The following FOXP1 variants were observed in gnomAD, a reference collection of about 807,000 sequenced individuals.
The protein encoded by FOXP1 is forkhead box P1.
FOXP1 carries 15 observed loss-of-function variants against 98.2 expected under a neutral mutation model. The observed-to-expected ratio is 0.15, with a 90% CI of 0.10 to 0.24. The LOEUF (loss-of-function observed/expected upper bound fraction) is 0.24, where lower values mean the gene tolerates loss of function less well. Among genes scored for constraint, FOXP1 ranks in the 10% least tolerant of loss-of-function variants. FOXP1 has a pLI of 1.00. For synonymous variants in FOXP1, 371 were observed against 314.5 expected (o/e 1.18, Z -1.90); for missense variants, 633 against 848.5 (o/e 0.75, Z 3.15).
chr3:71,382,329 G>A (rs138399453), intron 3 of FOXP1, among the ~76,000 whole-genome samples: 1 of 152,240 alleles, frequency 6.6e-6, no homozygotes, highest in African/African-American at 2.4e-5. Context: ...ACCATTTAAG[G>A]CTGTGTCCCC....
chr3:71,028,357 C>A (rs550682228), intron 11 of FOXP1, among the ~76,000 whole-genome samples: 2 of 152,232 alleles, frequency 1.3e-5, no homozygotes, highest in East Asian at 1.9e-4. Context: ...TCTCAGAGTA[C>A]GGGTCTGGAA....
At chr3:70,998,631 G>T (rs1380041149) in intron 13 of FOXP1, among the ~76,000 whole-genome samples, 2 of 152,112 alleles carry the variant, frequency 1.3e-5, no homozygotes, top group East Asian at 1.9e-4. Flanking sequence ...GATCATCTTT[G>T]ATGTCTATCA....
intron 4 of FOXP1, among the ~76,000 whole-genome samples, chr3:71,352,470 C>CAAAAAAAAAA (rs34693899): frequency 1.5e-5 from 1 of 67,114 alleles, no homozygotes; most frequent in Admixed American, 2.1e-4. Context: ...GACTCCATCT[C>CAAAAAAAAAA]AAAAAAAAAA....
chr3:71,506,776 A>G (rs1443154620), intron 2 of FOXP1, among the ~76,000 whole-genome samples: 1 of 152,186 alleles, frequency 6.6e-6, no homozygotes, highest in East Asian at 1.9e-4. Context: ...ATATCCTAAG[A>G]CAAGAGCAGG....
rs375297509 is a variant in FOXP1 at position 71,062,327 on chromosome 3, CTATA to C, written c.283-8558_283-8555del. On this transcript the variant is annotated intron_variant, in intron 7 of 20. Coordinates refer to ENST00000649528, the MANE Select transcript of FOXP1 (RefSeq NM_001349338.3). ...ATGAAAATTCAGAGAAGACAATACA[CTATA>C]TATCCTCGTGCAGAATGTTTCCATT... Among the ~76,000 whole-genome samples the C allele has an allele frequency of 3.3e-4, 50 of 152,322 alleles. No individual in the cohort carries two copies. In the East Asian group the frequency reaches 9.1e-3, roughly 28 times the overall value.
rs2063434576 is a variant in FOXP1, at chr3:71,198,388, A to G, written c.-7T>C. 1.4e-6 allele frequency: 2 copies of G among 1,388,632 alleles called. No homozygotes were observed. The highest frequency in any genetic ancestry group is 1.4e-5 in the African/African-American group (1 of 69,412). The allele number at this position is 1,388,632 out of a possible 1,614,324, so 86.0% of individuals were successfully genotyped here. A position where few individuals can be genotyped will look rare whatever the true frequency, so the allele number is the denominator to read the frequency against. On this transcript the variant is annotated 5_prime_UTR_variant, in exon 6 of 21. Transcript: ENST00000649528. ...TCCCAGATTCTTGCATCATGACTCAAAAACCTGATACAAGGATTTCCAAGA... is the reference window on the plus strand; with the variant it reads ...TCCCAGATTCTTGCATCATGACTCAGAAACCTGATACAAGGATTTCCAAGA...
chr3:71,507,072 C>A (rs1438309221), intron 2 of FOXP1, among the ~76,000 whole-genome samples: 2 of 152,202 alleles, frequency 1.3e-5, no homozygotes, highest in Admixed American at 1.3e-4. Context: ...CTGCTCTCTC[C>A]TCTCTCAAAT....
At chr3:71,432,976 A>C (rs1250004173) in intron 3 of FOXP1, among the ~76,000 whole-genome samples, 1 of 151,740 alleles carries the variant, frequency 6.6e-6, no homozygotes, top group East Asian at 1.9e-4. Flanking sequence ...AATGATTCTA[A>C]TGGTTAGAAC....
intron 6 of FOXP1, among the ~76,000 whole-genome samples, chr3:71,156,832 AAAGG>A (rs2108104704): frequency 6.6e-6 from 1 of 152,358 alleles, no homozygotes; most frequent in East Asian, 1.9e-4. Context: ...CCAGGAGATA[AAAGG>A]AAGGAAGGTG....
intron 14 of FOXP1, among the ~76,000 whole-genome samples, chr3:70,983,954 T>C (rs983705662): frequency 6.6e-6 from 1 of 152,164 alleles, no homozygotes; most frequent in Non-Finnish European, 1.5e-5. Context: ...AAGCAAGACA[T>C]TTGGGTGTTT....
At chr3:70,987,464 T>C (rs572565793) in intron 14 of FOXP1, among the ~76,000 whole-genome samples, 43 of 152,350 alleles carry the variant, frequency 2.8e-4, no homozygotes, top group African/African-American at 7.7e-4. Flanking sequence ...TTCAAACTCC[T>C]TAGTAACCAT....
At chr3:70,987,754 G>C (rs1256231620) in intron 14 of FOXP1, among the ~76,000 whole-genome samples, 2 of 152,334 alleles carry the variant, frequency 1.3e-5, no homozygotes, top group Non-Finnish European at 1.5e-5. Context: ...TTAAAGAAGA[G>C]CTGGGTGCTT....
At chr3:71,287,403 C>G (rs1217055844) in intron 5 of FOXP1, among the ~76,000 whole-genome samples, 1 of 151,960 alleles carries the variant, frequency 6.6e-6, no homozygotes, top group Non-Finnish European at 1.5e-5. Context: ...GCCTGGGAGG[C>G]AAGAGAATGC....
In FOXP1 at chr3:71,457,222, T is replaced by G. The variant is rs534504660; in HGVS notation, c.-168+36204A>C. 2.6e-5 allele frequency among the ~76,000 whole-genome samples: 4 copies of G among 152,232 alleles called. No individual in the cohort carries two copies. In the East Asian group the frequency reaches 7.7e-4, roughly 29 times the overall value. ...TGTGGATTAATACCATTTTCAAAAT[T>G]AGCAATCCAATAAAATCAAAGTCAG... On this transcript the variant is annotated intron_variant, in intron 3 of 20. Transcript: ENST00000649528.
chr3:70,972,073 A>T lies in FOXP1; in HGVS notation c.1652+482T>A, dbSNP rs1295692908. On this transcript the variant is annotated intron_variant, in intron 18 of 20. Transcript: ENST00000649528. ...ATTTGCGAGGACGGCCTCGTTGAAT[A>T]TGGCGGCCACGTTTAAACTCTTCAT... 9 of 1,519,096 alleles carry T rather than the reference A, an allele frequency of 5.9e-6. No individual in the cohort carries two copies. In the Admixed American group the frequency reaches 1.3e-4, roughly 21 times the overall value. 94.1% of individuals were successfully genotyped at this position (1,519,096 alleles called of 1,614,324 possible).
intron 5 of FOXP1, among the ~76,000 whole-genome samples, chr3:71,298,860 AG>A (rs2073597771): frequency 6.6e-6 from 1 of 152,256 alleles, no homozygotes; most frequent in Non-Finnish European, 1.5e-5. Context: ...CTCAATAATA[AG>A]TCTATATCTG....
intron 6 of FOXP1, among the ~76,000 whole-genome samples, chr3:71,155,967 C>T: frequency 6.6e-6 from 1 of 152,166 alleles, no homozygotes; most frequent in East Asian, 1.9e-4. Flanking sequence ...CCCTTATTTG[C>T]TAAATAAAAA....
intron 13 of FOXP1, among the ~76,000 whole-genome samples, chr3:71,000,600 C>G (rs150331910): frequency 6.6e-6 from 1 of 151,696 alleles, no homozygotes; most frequent in East Asian, 1.9e-4. Flanking sequence ...TGAGCAACGT[C>G]GAGGACTTAC....
At position 70,960,418 on chromosome 3, in the gene FOXP1, A is replaced by G. The variant is rs150937760; in HGVS notation, c.1890-1027T>C. ...CTCATTATGGACCAGCGCATGGTTC[A>G]CCCAAAGGGGACTGGGGTGATCACA... On this transcript the variant is annotated intron_variant, in intron 20 of 20. Coordinates refer to ENST00000649528, the MANE Select transcript of FOXP1 (RefSeq NM_001349338.3). 3.2e-3 allele frequency among the ~76,000 whole-genome samples: 482 copies of G among 152,302 alleles called. 7 individuals are homozygous for G. Among genetic ancestry groups the G allele is most frequent in the African/African-American group, 0.011 (460 of 41,556 alleles).
Sources: allele counts gnomAD v4.1 joint callset (sites outside exome capture counted in the v4.1 genomes callset), GRCh38; gene constraint gnomAD v4.1.1; transcripts MANE v1.5; gene names NCBI Gene and HGNC (gene_info 2026-07-23, HGNC 2026-07-21).